CMKLR2: variants seen among roughly 807,000 people sequenced by gnomAD.
CMKLR2 encodes chemerin chemokine-like receptor 2.
CMKLR2 carries 18 observed loss-of-function variants against 23.0 expected under a neutral mutation model. The observed-to-expected ratio is 0.78, with a 90% confidence interval of 0.54 to 1.16. The LOEUF is 1.16. CMKLR2 is among the 50% of genes most tolerant of loss of function. The pLI, the probability that CMKLR2 is intolerant of heterozygous loss-of-function variation, is 0.00. For missense variants in CMKLR2, 401 were observed against 412.7 expected (o/e 0.97, Z 0.25); for synonymous variants, 158 against 158.9 (o/e 0.99, Z 0.05).
At chr2:206,207,870 G>A (rs1421265117) in intron 1 of CMKLR2, among the ~76,000 whole-genome samples, 1 of 150,864 alleles carries the variant, frequency 6.6e-6, no homozygotes, top group African/African-American at 2.4e-5. Context: ...AGTATCCCAA[G>A]TAGCTGAGAT....
intron 1 of CMKLR2, among the ~76,000 whole-genome samples, chr2:206,202,599 T>G (rs1270597887): frequency 6.6e-6 from 1 of 151,948 alleles, no homozygotes; most frequent in East Asian, 1.9e-4. Flanking sequence ...TAGCTGGGGC[T>G]GCAGGCGCGC....
chr2:206,178,761 G>A (rs1166455154), intron 1 of CMKLR2, among the ~76,000 whole-genome samples: 1 of 151,972 alleles, frequency 6.6e-6, no homozygotes, highest in Non-Finnish European at 1.5e-5. Context: ...CAATTCTCCT[G>A]TTTGAGCCTC....
At chr2:206,214,943 T>C (rs552176513), upstream of CMKLR2, among the ~76,000 whole-genome samples, 281 of 152,230 alleles carry the variant, frequency 1.8e-3, 1 homozygote, top group Non-Finnish European at 3.3e-3. Flanking sequence ...TATTTTTGTA[T>C]GGTCTAACTT....
chr2:206,185,981 C>T (rs556939782), intron 1 of CMKLR2, among the ~76,000 whole-genome samples: 105 of 152,224 alleles, frequency 6.9e-4, no homozygotes, highest in Non-Finnish European at 1.1e-3. Context: ...GAAGTTTGGA[C>T]CCCTGGGTGA....
At chr2:206,214,904 T>C (rs926191334), upstream of CMKLR2, among the ~76,000 whole-genome samples, 2 of 152,122 alleles carry the variant, frequency 1.3e-5, no homozygotes, top group East Asian at 3.9e-4. Context: ...GGATTACAGG[T>C]GTGAGCCACC....
chr2:206,177,047 C>T lies in CMKLR2; in HGVS notation c.201G>A (p.Trp67Ter), dbSNP rs1688252396. Residue 67 changes from tryptophan to a stop codon, truncating the protein, a stop_gained, in exon 2 of 2, where the codon TGG (tryptophan) becomes TGA (stop). Coordinates refer to ENST00000621141, the MANE Select transcript of CMKLR2 (RefSeq NM_001389445.1). LOFTEE classifies it high-confidence loss of function. ...AIVIWFTGFK[W>*]KKTVTTLWFL... ...ACCACAGAGTGGTGACTGTCTTCTT[C>T]CACTTGAACCCCGTGAACCAAATGA... 18 of 1,614,176 alleles carry T rather than the reference C, an allele frequency of 1.1e-5. No individual in the cohort carries two copies. The highest frequency in any genetic ancestry group is 1.4e-5 in the Non-Finnish European group (17 of 1,180,022).
Position 206,176,345 on chromosome 2 carries a change from G to A in CMKLR2, c.903C>T (p.Pro301=), listed in dbSNP as rs995637942. The change falls in exon 2 of 2, where the codon CCC becomes CCT. Residue 301 remains proline, a synonymous_variant. Coordinates refer to ENST00000621141, the MANE Select transcript of CMKLR2 (RefSeq NM_001389445.1). The part of the protein sequence containing the change: ...GLAFLNSCLN[P]ILYVLISKKF... ...TCTTACTAATTAGGACATAAAGGAT[G>A]GGGTTCAAGCAACTATTGAGGAATG... 8.7e-6 allele frequency: 14 copies of A among 1,614,012 alleles called. No homozygotes were observed. The highest frequency in any genetic ancestry group is 1.7e-5 in the Admixed American group (1 of 59,984).
chr2:206,206,797 C>T (rs1015724946), intron 1 of CMKLR2, among the ~76,000 whole-genome samples: 10 of 152,080 alleles, frequency 6.6e-5, no homozygotes, highest in Admixed American at 3.3e-4. Context: ...AAGGCATTCA[C>T]GTGCCCGGGC....
At chr2:206,203,395 T>A (rs1689180408) in intron 1 of CMKLR2, 1 of 149,488 alleles carries the variant, frequency 6.7e-6, no homozygotes, top group Admixed American at 6.7e-5. Context: ...ACAAATCGTG[T>A]CCACAGCCCG....
In CMKLR2 at chr2:206,204,311, A is replaced by T. The variant is rs527911476; in HGVS notation, c.-29+8996T>A. On this transcript the variant is annotated intron_variant, in intron 1 of 1. Coordinates refer to ENST00000621141, the MANE Select transcript of CMKLR2 (RefSeq NM_001389445.1). ...GGAGCTTACAGTGAGCCGAGATCGC[A>T]CCACTGCACTCCAGCCTGGGCGACA... Among the ~76,000 whole-genome samples the T allele has an allele frequency of 2.1e-5, 3 of 142,160 alleles. No homozygotes were observed. The East Asian group carries it at 6.4e-4, about 30-fold the overall frequency. 93.3% of individuals were successfully genotyped at this position (142,160 alleles called of 152,430 possible).
chr2:206,205,529 ATT>A (rs35597653), intron 1 of CMKLR2, among the ~76,000 whole-genome samples: 4 of 144,160 alleles, frequency 2.8e-5, no homozygotes, highest in South Asian at 2.2e-4. Context: ...CACCCGGCTA[ATT>A]TTTTTTTTTT....
intron 1 of CMKLR2, among the ~76,000 whole-genome samples, chr2:206,186,697 T>C (rs571062587): frequency 1.1e-4 from 16 of 151,802 alleles, no homozygotes; most frequent in African/African-American, 3.4e-4. Context: ...ATTTAGGAAA[T>C]CCCCTTTTTA....
intron 1 of CMKLR2, among the ~76,000 whole-genome samples, chr2:206,192,434 G>T (rs1688784478): frequency 6.8e-6 from 1 of 147,182 alleles, no homozygotes; most frequent in African/African-American, 2.5e-5. Context: ...TGGACATGGT[G>T]GCTCATGTTT....
At chr2:206,201,477 CGG>C (rs987899586) in intron 1 of CMKLR2, among the ~76,000 whole-genome samples, 2 of 152,122 alleles carry the variant, frequency 1.3e-5, no homozygotes, top group African/African-American at 4.8e-5. Flanking sequence ...TGTACCCCAG[CGG>C]GGTCCCACAC....
chr2:206,182,136 C>T (rs1185854925), intron 1 of CMKLR2, among the ~76,000 whole-genome samples: 1 of 151,906 alleles, frequency 6.6e-6, no homozygotes, highest in East Asian at 1.9e-4. Context: ...GGGAGAAAAT[C>T]TATGCCTAAG....
At chr2:206,199,259 G>A (rs1170412771) in intron 1 of CMKLR2, among the ~76,000 whole-genome samples, 4 of 152,158 alleles carry the variant, frequency 2.6e-5, no homozygotes, top group East Asian at 1.9e-4. Context: ...TTAGCTGGGC[G>A]TGGTGGCACA....
rs1364472163 is a variant in CMKLR2 at position 206,176,923 on chromosome 2, G to A, written c.325C>T (p.Leu109=). 1.2e-6 allele frequency: 2 copies of A among 1,614,214 alleles called. No homozygotes were observed. The highest frequency in any genetic ancestry group is 4.5e-5 in the East Asian group (2 of 44,890). Residue 109 remains leucine, a synonymous_variant, in exon 2 of 2, where the codon CTG becomes TTG. Transcript: ENST00000621141. ...GCAGTGAAGGAATTGGCTTTGCACAGCCAGATGCCAAAGGGCCAGTGGAAA... is the reference window on the plus strand; with the variant it reads ...GCAGTGAAGGAATTGGCTTTGCACAACCAGATGCCAAAGGGCCAGTGGAAA... The part of the protein sequence containing the change: ...MNFHWPFGIW[L]CKANSFTAQL...
intron 1 of CMKLR2, among the ~76,000 whole-genome samples, chr2:206,211,844 T>G (rs1008143979): frequency 1.3e-5 from 2 of 149,244 alleles, no homozygotes; most frequent in African/African-American, 4.9e-5. Context: ...TTTTTTTTTT[T>G]TTTTAAGCTA....
At chr2:206,205,946 G>T (rs1430426597) in intron 1 of CMKLR2, among the ~76,000 whole-genome samples, 1 of 151,990 alleles carries the variant, frequency 6.6e-6, no homozygotes. Flanking sequence ...TGATCTGCCC[G>T]CCTCGGCCTC....
Sources: gnomAD v4.1 joint callset for allele counts (sites outside exome capture counted in the v4.1 genomes callset) on GRCh38, gnomAD v4.1.1 for gene constraint, MANE v1.5 for transcripts, NCBI Gene and HGNC (gene_info 2026-07-23, HGNC 2026-07-21) for gene names.